SLC25A21: variants seen among roughly 807,000 people sequenced by gnomAD.
SLC25A21 encodes the protein mitochondrial 2-oxodicarboxylate carrier.
A neutral mutation model predicts 43.8 loss-of-function variants in SLC25A21; 47 were observed. The ratio of observed to expected loss-of-function variants is 1.07; its 90% CI spans 0.85 to 1.37. The LOEUF is 1.37. Ranked by LOEUF, SLC25A21 falls within the 40% of genes most tolerant of loss-of-function variation. SLC25A21 has a pLI of 0.00. For synonymous variants in SLC25A21, 131 were observed against 121.3 expected (o/e 1.08, Z -0.52); for missense variants, 352 against 350.2 (o/e 1.00, Z -0.04).
At chr14:36,977,088 G>A (rs568007062) in intron 1 of SLC25A21, among the ~76,000 whole-genome samples, 1 of 152,236 alleles carries the variant, frequency 6.6e-6, no homozygotes, top group South Asian at 2.1e-4. Context: ...TAAACATGTT[G>A]CATTTTTCTA....
At chr14:36,739,646 C>A (rs1021217270) in intron 3 of SLC25A21, among the ~76,000 whole-genome samples, 2 of 148,892 alleles carry the variant, frequency 1.3e-5, no homozygotes, top group African/African-American at 5.0e-5. Context: ...TCACTGCATT[C>A]CAGCCTGGCA....
chr14:37,065,977 T>C (rs1450496422), intron 1 of SLC25A21, among the ~76,000 whole-genome samples: 2 of 152,190 alleles, frequency 1.3e-5, no homozygotes, highest in Non-Finnish European at 2.9e-5. Context: ...CATCAGTGAA[T>C]GCCAAATCTG....
intron 1 of SLC25A21, among the ~76,000 whole-genome samples, chr14:37,091,006 T>C (rs944283261): frequency 1.3e-5 from 2 of 152,200 alleles, no homozygotes; most frequent in African/African-American, 4.8e-5. Context: ...GTGTTTCTGT[T>C]TAAAGACACC....
In SLC25A21 at chr14:36,679,898, G is replaced by A. The variant is rs1882129834; in HGVS notation, c.*760C>T. On this transcript the variant is annotated 3_prime_UTR_variant, in exon 10 of 10. Transcript: ENST00000331299. ...TGGAGGAAAGTAAATTTTATTTCAT[G>A]TTTCCTACTTGTGTTAGAAGAGATT... 1 of 959,682 alleles carries A rather than the reference G, an allele frequency of 1.0e-6. No individual in the cohort carries two copies. Among genetic ancestry groups the A allele is most frequent in the Non-Finnish European group, 1.2e-6 (1 of 806,862 alleles). 59.4% of individuals were successfully genotyped at this position (959,682 alleles called of 1,614,324 possible).
At chr14:36,873,093 C>T (rs1374225879) in intron 2 of SLC25A21, among the ~76,000 whole-genome samples, 1 of 151,998 alleles carries the variant, frequency 6.6e-6, no homozygotes, top group African/African-American at 2.4e-5. Flanking sequence ...AGGAAATTAC[C>T]CTCAAATGAA....
chr14:37,140,337 T>A (rs1963550263), intron 1 of SLC25A21, among the ~76,000 whole-genome samples: 1 of 152,230 alleles, frequency 6.6e-6, no homozygotes, highest in South Asian at 2.1e-4. Context: ...GGATATCCAT[T>A]CCCTAGAACC....
chr14:36,783,090 C>G (rs1887129542), intron 3 of SLC25A21, among the ~76,000 whole-genome samples: 1 of 151,702 alleles, frequency 6.6e-6, no homozygotes, highest in Non-Finnish European at 1.5e-5. Context: ...TAGGTTTTCT[C>G]TAGGGTGGTG....
At chr14:36,956,446 C>T (rs537344073) in intron 1 of SLC25A21, among the ~76,000 whole-genome samples, 2 of 152,258 alleles carry the variant, frequency 1.3e-5, no homozygotes, top group South Asian at 4.1e-4. Context: ...GCATACTGTA[C>T]CTTACTGTGT....
At chr14:36,705,435 G>C (rs1189055532) in intron 7 of SLC25A21, among the ~76,000 whole-genome samples, 2 of 152,142 alleles carry the variant, frequency 1.3e-5, no homozygotes, top group Admixed American at 1.3e-4. Context: ...TCTATTTTAT[G>C]AGGTTCTGCT....
At chr14:36,938,589 A>G (rs1892483061) in intron 1 of SLC25A21, among the ~76,000 whole-genome samples, 1 of 152,056 alleles carries the variant, frequency 6.6e-6, no homozygotes, top group Non-Finnish European at 1.5e-5. Flanking sequence ...TGATATTTCA[A>G]TACATGATAA....
At chr14:37,041,753 G>T (rs1038666931) in intron 1 of SLC25A21, among the ~76,000 whole-genome samples, 1 of 152,202 alleles carries the variant, frequency 6.6e-6, no homozygotes, top group African/African-American at 2.4e-5. Context: ...AGAACATCTT[G>T]CTGTTTCTGA....
chr14:37,093,763 TAACA>T (rs1962633264), intron 1 of SLC25A21, among the ~76,000 whole-genome samples: 1 of 152,208 alleles, frequency 6.6e-6, no homozygotes. Context: ...ATGATTTCTT[TAACA>T]AACAAACCAT....
intron 2 of SLC25A21, among the ~76,000 whole-genome samples, chr14:36,829,793 G>A (rs1018266858): frequency 2.0e-5 from 3 of 152,188 alleles, no homozygotes; most frequent in Non-Finnish European, 4.4e-5. Flanking sequence ...GCTGAGTGGT[G>A]GTGGCTTGCC....
intron 3 of SLC25A21, among the ~76,000 whole-genome samples, chr14:36,746,208 T>G (rs759157277): frequency 6.6e-6 from 1 of 152,160 alleles, no homozygotes; most frequent in Non-Finnish European, 1.5e-5. Flanking sequence ...AATCTAAGTG[T>G]CCGTCAACAG....
At chr14:37,127,022 G>A (rs558224463) in intron 1 of SLC25A21, among the ~76,000 whole-genome samples, 3 of 152,116 alleles carry the variant, frequency 2.0e-5, no homozygotes, top group Non-Finnish European at 4.4e-5. Flanking sequence ...TAAATATTAC[G>A]TGGCTATTGC....
intron 2 of SLC25A21, among the ~76,000 whole-genome samples, chr14:36,845,244 A>G (rs1889505232): frequency 2.0e-5 from 3 of 152,216 alleles, no homozygotes; most frequent in Non-Finnish European, 1.5e-5. Context: ...AGAATTAGGC[A>G]TGGATTTTTA....
rs148679666 is a variant in SLC25A21 at position 36,892,949 on chromosome 14, T to C, written c.71-17945A>G. On this transcript the variant is annotated intron_variant, in intron 1 of 9. Coordinates refer to ENST00000331299, the MANE Select transcript of SLC25A21 (RefSeq NM_030631.4). Reference sequence around the variant, plus strand: ...ACATTTTCTTAATCCAGTCTATCATTGATGGGCATTTGGGTTGGTTCCAAG... The same window carrying C: ...ACATTTTCTTAATCCAGTCTATCATCGATGGGCATTTGGGTTGGTTCCAAG... Among the ~76,000 whole-genome samples the C allele has an allele frequency of 9.6e-3, 1,459 of 152,316 alleles. 27 individuals carry two copies. Among genetic ancestry groups the C allele is most frequent in the African/African-American group, 0.033 (1,357 of 41,568 alleles).
chr14:36,753,230 T>C (rs1885780631), intron 3 of SLC25A21, among the ~76,000 whole-genome samples: 1 of 152,212 alleles, frequency 6.6e-6, no homozygotes, highest in Non-Finnish European at 1.5e-5. Context: ...TTTTATGTTA[T>C]GTGTATTATG....
intron 1 of SLC25A21, among the ~76,000 whole-genome samples, chr14:37,119,137 T>A (rs1963158847): frequency 6.6e-6 from 1 of 152,142 alleles, no homozygotes. Context: ...ACAAATGCCA[T>A]GGCAACATCC....
Sources: allele counts gnomAD v4.1 joint callset (sites outside exome capture counted in the v4.1 genomes callset), GRCh38; gene constraint gnomAD v4.1.1; transcripts MANE v1.5; gene names NCBI Gene and HGNC (gene_info 2026-07-23, HGNC 2026-07-21).